Variants in PLAAT5 observed in about 807,000 individuals in gnomAD.
PLAAT5 encodes the protein Ca(2+)-independent N-acyltransferase.
PLAAT5 carries 27 observed loss-of-function variants against 27.8 expected under a neutral mutation model. The ratio of observed to expected loss-of-function variants is 0.97; its 90% CI spans 0.72 to 1.34. The LOEUF is 1.34. PLAAT5 is among the 40% of genes most tolerant of loss of function. The pLI is 0.00. For synonymous variants in PLAAT5, 125 were observed against 136.1 expected, an observed-to-expected ratio of 0.92 and a Z score of 0.57; for missense variants, 368 against 343.8, an observed-to-expected ratio of 1.07 and a Z score of -0.56.
Position 63,490,914 on chromosome 11 carries a change from G to A in PLAAT5, c.121C>T (p.Leu41Phe), listed in dbSNP as rs776618705. 1.4e-5 allele frequency: 22 copies of A among 1,603,404 alleles called. No individual in the cohort carries two copies. The highest frequency in any genetic ancestry group is 1.9e-5 in the Non-Finnish European group (22 of 1,175,416). ...GAGTGGGGCACAGCTGAACGTCTGA[G>A]CGCAGGCGGCTGGTCCTTGGGCCCG... is the stretch of plus-strand genomic sequence containing the variant. Reference protein sequence around the residue: ...STGPKDQPPALRRSAVPHSEE... With the variant: ...STGPKDQPPAFRRSAVPHSEE... Residue 41 changes from leucine to phenylalanine, a missense_variant, in exon 1 of 6, where the codon CTC becomes TTC. Leu to Phe is a conservative substitution (Grantham distance 22, BLOSUM62 0). Coordinates refer to ENST00000540857, the MANE Select transcript of PLAAT5 (RefSeq NM_001146729.2).
Position 63,491,150 on chromosome 11 carries a change from G to T in PLAAT5, c.-116C>A, listed in dbSNP as rs1440075609. On this transcript the variant is annotated 5_prime_UTR_variant, in exon 1 of 6. Transcript: ENST00000540857. Reference sequence around the variant, plus strand: ...CCGCGGAAGCTTGGGCACTGGGGGCGGCTCGGGGAGGAACCGCGGAGGGGA... The same window carrying T: ...CCGCGGAAGCTTGGGCACTGGGGGCTGCTCGGGGAGGAACCGCGGAGGGGA... 1 of 911,014 alleles carries T rather than the reference G, an allele frequency of 1.1e-6. No individual in the cohort carries two copies. The highest frequency in any genetic ancestry group is 1.5e-6 in the Non-Finnish European group (1 of 668,398). The allele number at this position is 911,014 out of a possible 1,614,324, so 56.4% of individuals were successfully genotyped here.
chr11:63,479,860 G>A (rs1310499182), intron 3 of PLAAT5, among the ~76,000 whole-genome samples: 2 of 152,242 alleles, frequency 1.3e-5, no homozygotes, highest in African/African-American at 4.8e-5. Flanking sequence ...TGATCAGGGT[G>A]AAGGAAATGG....
chr11:63,470,727 A>G (rs2016001818), intron 3 of PLAAT5: 1 of 152,272 alleles, frequency 6.6e-6, no homozygotes, highest in Non-Finnish European at 1.5e-5. Context: ...ACACGAAAGC[A>G]TTTATACTTT....
chr11:63,471,513 G>A (rs1370957457), intron 3 of PLAAT5, among the ~76,000 whole-genome samples: 1 of 152,122 alleles, frequency 6.6e-6, no homozygotes. Flanking sequence ...TTTTTCATTA[G>A]TTGGGCATTA....
rs1345938456 is a variant in PLAAT5, at chr11:63,483,842, T to TATAC, written c.345+5028_345+5029insGTAT. Reference sequence around the variant, plus strand: ...ATATATATATATATATATATATATATACACATATATATATATGAAACAAAA... The same window carrying TATAC: ...ATATATATATATATATATATATATATATACACACATATATATATATGAAACAAAA... On this transcript the variant is annotated intron_variant, in intron 3 of 5. Transcript: ENST00000540857. Among the ~76,000 whole-genome samples, 61 of 93,970 alleles carry TATAC rather than the reference T, an allele frequency of 6.5e-4. 1 individual carries two copies. The highest frequency in any genetic ancestry group is 1.3e-3 in the Non-Finnish European group (57 of 44,774). The allele number at this position is 93,970 out of a possible 152,430, so 61.6% of individuals were successfully genotyped here. A position where few individuals can be genotyped will look rare whatever the true frequency, so the allele number is the denominator to read the frequency against.
At chr11:63,478,984 A>G (rs2016218940) in intron 3 of PLAAT5, among the ~76,000 whole-genome samples, 1 of 152,236 alleles carries the variant, frequency 6.6e-6, no homozygotes, top group East Asian at 1.9e-4. Flanking sequence ...TGGCAGCCAC[A>G]TATCCACTAG....
At chr11:63,465,450 T>C (rs1204302278) in intron 5 of PLAAT5, among the ~76,000 whole-genome samples, 1 of 151,374 alleles carries the variant, frequency 6.6e-6, no homozygotes, top group Non-Finnish European at 1.5e-5. Flanking sequence ...AGGTTGCAAT[T>C]TTATCAACAG....
intron 3 of PLAAT5, among the ~76,000 whole-genome samples, chr11:63,468,697 T>C (rs1343732753): frequency 6.6e-6 from 1 of 152,220 alleles, no homozygotes; most frequent in East Asian, 1.9e-4. Context: ...TATCAATGTA[T>C]TGCCTCTCAG....
At chr11:63,464,925 C>A (rs2015816561) in intron 5 of PLAAT5, among the ~76,000 whole-genome samples, 1 of 152,102 alleles carries the variant, frequency 6.6e-6, no homozygotes, top group Admixed American at 6.6e-5. Context: ...ACAGCATGTC[C>A]CTACAGAGTG....
At chr11:63,469,145 T>TGTGTGTGTGAGAGA (rs377110717) in intron 3 of PLAAT5, among the ~76,000 whole-genome samples, 53 of 122,794 alleles carry the variant, frequency 4.3e-4, no homozygotes, top group African/African-American at 1.5e-3. Context: ...TGTGTGTGTG[T>TGTGTGTGTGAGAGA]GAGAGAGAGA....
chr11:63,488,786 C>T (rs998437503), intron 3 of PLAAT5, 85 bp downstream of exon 3: 2 of 890,424 alleles, frequency 2.2e-6, no homozygotes, highest in African/African-American at 1.7e-5. Flanking sequence ...GATTGGACAC[C>T]CCTAGAAACA....
chr11:63,463,737 T>C (rs568847656), intron 5 of PLAAT5, 142 bp from the exon 6 acceptor site: 25 of 649,922 alleles, frequency 3.8e-5, no homozygotes, highest in Non-Finnish European at 5.7e-5. Context: ...TGCTATCTTA[T>C]ATTTTCAAAA....
intron 3 of PLAAT5, chr11:63,469,766 TGGA>T (rs2015971767): frequency 6.3e-6 from 1 of 157,726 alleles, no homozygotes; most frequent in Admixed American, 6.5e-5. Flanking sequence ...CATGGCATAC[TGGA>T]GAGAAACCTT....
In PLAAT5 at chr11:63,466,325, C is replaced by T; in HGVS notation, c.502G>A (p.Ala168Thr). 6.2e-7 allele frequency: 1 copy of T among 1,614,076 alleles called. No individual in the cohort carries two copies. Among genetic ancestry groups the T allele is most frequent in the African/African-American group, 1.3e-5 (1 of 75,018 alleles). Reference sequence around the variant, plus strand: ...TCCAGACGACTGTATTTCACCACGGCCCGATTGCTAAAGATGGAAGTAATG... The same window carrying T: ...TCCAGACGACTGTATTTCACCACGGTCCGATTGCTAAAGATGGAAGTAATG... ...GSITSIFSNR[A>T]VVKYSRLEDV... The change falls in exon 5 of 6, where the codon GCC becomes ACC. Residue 168 changes from alanine to threonine, a missense_variant. Transcript: ENST00000540857.
intron 3 of PLAAT5, among the ~76,000 whole-genome samples, chr11:63,483,381 T>C (rs1307212198): frequency 3.3e-5 from 5 of 151,980 alleles, no homozygotes; most frequent in Non-Finnish European, 5.9e-5. Flanking sequence ...TCAATCAATT[T>C]AAGAAAATCG....
rs1275858372 is a variant in PLAAT5 at position 63,462,063 on chromosome 11, GT to G, written c.*1439del. 1 of 152,114 alleles carries G rather than the reference GT, an allele frequency of 6.6e-6. No individual in the cohort carries two copies. Among genetic ancestry groups the G allele is most frequent in the Non-Finnish European group, 1.5e-5 (1 of 68,004 alleles). The allele number at this position is 152,114 out of a possible 1,614,324, so 9.4% of individuals were successfully genotyped here. ...TTTTTTGTTAATGAAACAACATCCA[GT>G]TTGTTTGATGAAAGATTAATATGGT... On this transcript the variant is annotated 3_prime_UTR_variant, in exon 6 of 6. Transcript: ENST00000540857.
intron 3 of PLAAT5, among the ~76,000 whole-genome samples, chr11:63,483,801 G>GTATA (rs71039646): frequency 0.043 from 1,015 of 23,792 alleles, 44 homozygotes; most frequent in Non-Finnish European, 0.058. Context: ...ATATATATAT[G>GTATA]TATATATATA....
chr11:63,481,695 G>C (rs77939805), intron 3 of PLAAT5, among the ~76,000 whole-genome samples: 2 of 152,136 alleles, frequency 1.3e-5, no homozygotes, highest in Admixed American at 6.6e-5. Context: ...AGAAAATGTG[G>C]CACATATACA....
chr11:63,481,855 A>G (rs979392900), intron 3 of PLAAT5, among the ~76,000 whole-genome samples: 2 of 152,160 alleles, frequency 1.3e-5, no homozygotes, highest in African/African-American at 4.8e-5. Flanking sequence ...GAACTGAACA[A>G]TGAGAACACA....
Sources: allele counts gnomAD v4.1 joint callset (sites outside exome capture counted in the v4.1 genomes callset), GRCh38; gene constraint gnomAD v4.1.1; transcripts MANE v1.5; gene names NCBI Gene and HGNC (gene_info 2026-07-23, HGNC 2026-07-21).